The following HSD11B2 variants were observed in gnomAD, a reference collection of about 807,000 sequenced individuals.
The protein encoded by HSD11B2 is 11-beta-hydroxysteroid dehydrogenase type 2.
Under a neutral mutation model 20.9 loss-of-function variants are expected in HSD11B2, and 17 were observed. The ratio of observed to expected loss-of-function variants is 0.81; its 90% CI spans 0.56 to 1.22. The LOEUF is 1.22. HSD11B2 is among the 50% of genes most tolerant of loss of function. The pLI is 0.00. For missense variants in HSD11B2, 480 were observed against 563.6 expected (o/e 0.85, Z 1.50); for synonymous variants, 253 against 255.4 (o/e 0.99, Z 0.09).
Position 67,436,474 on chromosome 16 carries a change from A to G in HSD11B2, c.802+88A>G. On this transcript the variant is annotated intron_variant, in intron 4 of 4. Transcript: ENST00000326152. The surrounding 1 kb of genome is among the most constrained non-coding windows in gnomAD (Gnocchi z 5.7). ...GGCAGGTCAGGTTTGATGAATGGTC[A>G]TGGTTTTGGTTGGGGGTGTAGTTTT... 1 of 1,538,356 alleles carries G rather than the reference A, an allele frequency of 6.5e-7. No individual in the cohort carries two copies. The highest frequency in any genetic ancestry group is 8.8e-7 in the Non-Finnish European group (1 of 1,133,184).
Position 67,437,372 on chromosome 16 carries a change from C to T in HSD11B2, c.*369C>T, listed in dbSNP as rs1315269741. The T allele has an allele frequency of 1.5e-5, 5 of 343,808 alleles. No homozygotes were observed. The East Asian group carries it at 3.0e-4, about 20-fold the overall frequency. The allele number at this position is 343,808 out of a possible 1,614,324, so 21.3% of individuals were successfully genotyped here. ...GAGTGACTAGGTGGGTTGGGGACCCCCTCAGGATTGTTTCTCGGCACCAGT... is the reference window on the plus strand; with the variant it reads ...GAGTGACTAGGTGGGTTGGGGACCCTCTCAGGATTGTTTCTCGGCACCAGT... On this transcript the variant is annotated 3_prime_UTR_variant, in exon 5 of 5. Transcript: ENST00000326152.
At chr16:67,433,795 A>T (rs1020022024) in intron 1 of HSD11B2, among the ~76,000 whole-genome samples, 9 of 150,688 alleles carry the variant, frequency 6.0e-5, no homozygotes, top group South Asian at 4.2e-4. Flanking sequence ...GAGCTCGAAG[A>T]CCCCTGCCCA....
Position 67,431,490 on chromosome 16 carries a change from C to A in HSD11B2, c.242C>A (p.Ala81Asp). The A allele has an allele frequency of 7.1e-7, 1 of 1,398,754 alleles. No individual in the cohort carries two copies. The allele number at this position is 1,398,754 out of a possible 1,614,324, so 86.6% of individuals were successfully genotyped here. A position where few individuals can be genotyped will look rare whatever the true frequency, so the allele number is the denominator to read the frequency against. Residue 81 changes from alanine to aspartate, a missense_variant, in exon 1 of 5, where the codon GCC (alanine) becomes GAC (aspartate). This residue lies in a region of HSD11B2 where 374 missense variants were observed against 480.9 expected (regional missense o/e 0.78). Coordinates refer to ENST00000326152, the MANE Select transcript of HSD11B2 (RefSeq NM_000196.4). ...GCGCGCCCGCAGCGCCTGCCGGTGG[C>A]CACTCGCGCGGTGCTCATCACCGGT... ...RLARPQRLPV[A>D]TRAVLITGCD...
chr16:67,434,103 G>A (rs778599328), intron 1 of HSD11B2, among the ~76,000 whole-genome samples: 5 of 151,932 alleles, frequency 3.3e-5, no homozygotes, highest in South Asian at 2.1e-4. Flanking sequence ...TCTTCTCTTC[G>A]CATACCAAAG....
intron 1 of HSD11B2, among the ~76,000 whole-genome samples, chr16:67,434,381 T>TA (rs2040954471): frequency 6.6e-6 from 1 of 152,202 alleles, no homozygotes; most frequent in Admixed American, 6.5e-5. Flanking sequence ...GCTCATGTTG[T>TA]ACAGGGCCTG....
chr16:67,434,174 A>G (rs1409389698), intron 1 of HSD11B2, among the ~76,000 whole-genome samples: 1 of 152,230 alleles, frequency 6.6e-6, no homozygotes, highest in Non-Finnish European at 1.5e-5. Flanking sequence ...GGTGTGGGAA[A>G]GGATTCAAAT....
chr16:67,435,316 C>G (rs2142288183), intron 1 of HSD11B2, among the ~76,000 whole-genome samples: 1 of 152,262 alleles, frequency 6.6e-6, no homozygotes, highest in South Asian at 2.1e-4. Context: ...TGGGACTGTC[C>G]CAGACCTGAC....
chr16:67,433,359 C>T (rs138271748), intron 1 of HSD11B2, among the ~76,000 whole-genome samples: 3 of 152,294 alleles, frequency 2.0e-5, no homozygotes, highest in Non-Finnish European at 4.4e-5. Context: ...CAGAGAATCA[C>T]TTGCCAAGGC....
At chr16:67,433,731 T>TGCTTGCCTCCCTCTCCAAGGCAG (rs2040950538) in intron 1 of HSD11B2, among the ~76,000 whole-genome samples, 1 of 144,680 alleles carries the variant, frequency 6.9e-6, no homozygotes, top group Non-Finnish European at 1.5e-5. Context: ...CACACACATA[T>TGCTTGCCTCCCTCTCCAAGGCAG]GCTTGCCTCC....
rs2040967655 is a variant in HSD11B2, at chr16:67,436,022, G to C, written c.544G>C (p.Val182Leu). The change falls in exon 3 of 5, where the codon GTG becomes CTG. Residue 182 changes from valine (V) to leucine (L), a missense_variant. Around this residue, in one of 2 missense-constraint regions of HSD11B2, gnomAD observed 374 missense variants for 480.9 expected, o/e 0.78. Coordinates refer to ENST00000326152, the MANE Select transcript of HSD11B2 (RefSeq NM_000196.4). This position sits in a 1 kb window ranked among gnomAD's most constrained non-coding sequence, Gnocchi z 5.7. ...EVVADAELSP[V>L]ATFRSCMEVN... ...AGTTGCTGATGCGGAGCTGTCTCCA[G>C]TGGCCACTTTCCGTAGCTGCATGGA... The C allele has an allele frequency of 6.2e-7, 1 of 1,614,120 alleles. No individual in the cohort carries two copies. The highest frequency in any genetic ancestry group is 1.3e-5 in the African/African-American group (1 of 74,938).
At chr16:67,434,382 A>G (rs2040954453) in intron 1 of HSD11B2, among the ~76,000 whole-genome samples, 1 of 152,152 alleles carries the variant, frequency 6.6e-6, no homozygotes, top group African/African-American at 2.4e-5. Flanking sequence ...CTCATGTTGT[A>G]CAGGGCCTGA....
At chr16:67,435,888 A>G in intron 2 of HSD11B2, 48 bp downstream of exon 2, 4 of 1,613,484 alleles carry the variant, frequency 2.5e-6, no homozygotes, top group South Asian at 1.1e-5. Context: ...GGGAGTGGGA[A>G]GGACACGGGG....
chr16:67,433,612 G>C (rs186167467), intron 1 of HSD11B2, among the ~76,000 whole-genome samples: 1 of 152,072 alleles, frequency 6.6e-6, no homozygotes, highest in Admixed American at 6.5e-5. Flanking sequence ...TCAGAACTGG[G>C]AGGTCTGTTT....
In HSD11B2 at chr16:67,436,582, C is replaced by T. The variant is rs1268413053; in HGVS notation, c.803-6C>T. On this transcript the variant is annotated splice_polypyrimidine_tract_variant and splice_region_variant and intron_variant, in intron 4 of 4. Coordinates refer to ENST00000326152, the MANE Select transcript of HSD11B2 (RefSeq NM_000196.4). The surrounding 1 kb of genome is among the most constrained non-coding windows in gnomAD (Gnocchi z 5.7). ...TCCCACTCTGACCTTGCCACTCCTT[C>T]CCCAGAGTCAGTGAGAAACGTGGGT... is the stretch of plus-strand genomic sequence containing the variant. 2.4e-5 allele frequency: 39 copies of T among 1,613,876 alleles called. No individual in the cohort carries two copies. The East Asian group carries it at 8.5e-4, about 35-fold the overall frequency.
At position 67,436,155 on chromosome 16, in the gene HSD11B2, C is replaced by T. The variant is rs541201341; in HGVS notation, c.664+13C>T. ...GGGAGCCCAGCGGGTGAGTGCCCCC[C>T]CCCACTGGAGCAAAAAGGAGCCCCC... On this transcript the variant is annotated intron_variant, in intron 3 of 4. Coordinates refer to ENST00000326152, the MANE Select transcript of HSD11B2 (RefSeq NM_000196.4). This position sits in a 1 kb window ranked among gnomAD's most constrained non-coding sequence, Gnocchi z 5.7. 12 of 1,613,514 alleles carry T rather than the reference C, an allele frequency of 7.4e-6. No homozygotes were observed. The highest frequency in any genetic ancestry group is 1.3e-5 in the African/African-American group (1 of 74,922).
intron 1 of HSD11B2, among the ~76,000 whole-genome samples, chr16:67,434,345 G>A (rs1366349507): frequency 6.6e-6 from 1 of 152,228 alleles, no homozygotes; most frequent in African/African-American, 2.4e-5. Context: ...ATAGTAGAGG[G>A]TGTTGAGGCT....
At position 67,436,361 on chromosome 16, in the gene HSD11B2, C is replaced by T; in HGVS notation, c.777C>T (p.Ile259=). The T allele has an allele frequency of 5.6e-6, 9 of 1,603,736 alleles. No homozygotes were observed. The highest frequency in any genetic ancestry group is 4.5e-5 in the East Asian group (2 of 44,392). ...ELLPWGVKVS[I]IQPGCFKTES... The stretch of plus-strand genomic sequence containing the variant: ...TTCCCTGGGGGGTCAAGGTCAGCAT[C>T]ATCCAGCCTGGCTGCTTCAAGACAG... The change falls in exon 4 of 5, where the codon ATC becomes ATT. Residue 259 remains isoleucine, a synonymous_variant. Transcript: ENST00000326152. The surrounding 1 kb of genome is among the most constrained non-coding windows in gnomAD (Gnocchi z 5.7).
intron 1 of HSD11B2, among the ~76,000 whole-genome samples, chr16:67,431,877 A>G (rs1327334676): frequency 3.3e-5 from 5 of 152,060 alleles, no homozygotes; most frequent in Non-Finnish European, 5.9e-5. Context: ...AGAAGGGAGG[A>G]TCGTTACCCC....
rs1331473256 is a variant in HSD11B2 at position 67,436,547 on chromosome 16, C to T, written c.803-41C>T. 1.2e-6 allele frequency: 2 copies of T among 1,611,882 alleles called. No individual in the cohort carries two copies. The highest frequency in any genetic ancestry group is 2.7e-5 in the African/African-American group (2 of 74,840). On this transcript the variant is annotated intron_variant, in intron 4 of 4. Coordinates refer to ENST00000326152, the MANE Select transcript of HSD11B2 (RefSeq NM_000196.4). This position sits in a 1 kb window ranked among gnomAD's most constrained non-coding sequence, Gnocchi z 5.7. ...AAACAGTCCTAATTGGCTTTGGCTCCCCTAGCTGATCCCACTCTGACCTTG... is the reference window on the plus strand; with the variant it reads ...AAACAGTCCTAATTGGCTTTGGCTCTCCTAGCTGATCCCACTCTGACCTTG...
Sources: gnomAD v4.1 joint callset for allele counts (sites outside exome capture counted in the v4.1 genomes callset) on GRCh38, gnomAD v4.1.1 for gene constraint, gnomAD v4.1.1 regional missense constraint, Gnocchi (gnomAD v3.1) non-coding constraint, MANE v1.5 for transcripts, NCBI Gene and HGNC (gene_info 2026-07-23, HGNC 2026-07-21) for gene names.